SPATA6: variants seen among roughly 807,000 people sequenced by gnomAD.
The protein encoded by SPATA6 is spermatogenesis-associated protein 6.
Under a neutral mutation model 65.3 loss-of-function variants are expected in SPATA6, and 56 were observed. The observed-to-expected ratio is 0.86, with a 90% confidence interval of 0.69 to 1.07. The LOEUF (loss-of-function observed/expected upper bound fraction) is 1.07, where lower values mean the gene tolerates loss of function less well. SPATA6 is among the 50% of genes least tolerant of loss of function. The probability of loss-of-function intolerance (pLI) is 0.00; values close to 1 mark genes in which losing one functional copy is unlikely to be tolerated. For missense variants in SPATA6, 590 were observed against 594.8 expected (o/e 0.99, Z 0.08); for synonymous variants, 199 against 213.2 (o/e 0.93, Z 0.58).
intron 5 of SPATA6, among the ~76,000 whole-genome samples, chr1:48,410,540 C>G (rs1652121226): frequency 6.6e-6 from 1 of 152,138 alleles, no homozygotes; most frequent in Non-Finnish European, 1.5e-5. Flanking sequence ...CTGTATTAAT[C>G]CATTGTCATA....
rs150258606 is a variant in SPATA6 at position 48,378,588 on chromosome 1, G to A, written c.909+6721C>T. Among the ~76,000 whole-genome samples, 1,063 of 152,238 alleles carry A rather than the reference G, an allele frequency of 7.0e-3. 14 individuals carry two copies. Among genetic ancestry groups the A allele is most frequent in the African/African-American group, 0.025 (1,019 of 41,538 alleles). On this transcript the variant is annotated intron_variant, in intron 9 of 12. Transcript: ENST00000371847. ...GGCACTTCTTACATGATGGTGGAAA[G>A]AGAAAAATGAGGAAGAAGCAAAAGC...
intron 1 of SPATA6, among the ~76,000 whole-genome samples, chr1:48,465,288 GC>G (rs1657731567): frequency 6.6e-6 from 1 of 152,124 alleles, no homozygotes; most frequent in Admixed American, 6.6e-5. Context: ...CTCCCCTAAA[GC>G]TTTTGAAAGG....
chr1:48,305,720 C>G (rs1299328104), intron 12 of SPATA6, 67 bp downstream of exon 12: 2 of 1,159,214 alleles, frequency 1.7e-6, no homozygotes, highest in African/African-American at 3.2e-5. Context: ...CCCATAAATT[C>G]AGCATATTAT....
chr1:48,354,248 A>C (rs1570264117), intron 11 of SPATA6, among the ~76,000 whole-genome samples: 1 of 152,114 alleles, frequency 6.6e-6, no homozygotes, highest in Non-Finnish European at 1.5e-5. Context: ...CAGTCAAAGA[A>C]GTAGGGAGGA....
rs747494080 is a variant in SPATA6 at position 48,411,593 on chromosome 1, A to G, written c.281-5T>C. On this transcript the variant is annotated splice_polypyrimidine_tract_variant and splice_region_variant and intron_variant, in intron 4 of 12. Transcript: ENST00000371847. The stretch of plus-strand genomic sequence containing the variant: ...ACGTAGACAGTGTTTCACCCACTAC[A>G]AGAAAGATACCCTATGATTCAAATT... 3.2e-6 allele frequency: 5 copies of G among 1,559,002 alleles called. No homozygotes were observed. The African/African-American group carries it at 6.8e-5, about 21-fold the overall frequency.
chr1:48,372,760 C>T (rs1176042611), intron 9 of SPATA6, among the ~76,000 whole-genome samples: 3 of 152,240 alleles, frequency 2.0e-5, no homozygotes, highest in South Asian at 4.1e-4. Flanking sequence ...GTTCCCAAAC[C>T]TCAATTCTTG....
chr1:48,470,807 C>T (rs1658181436), intron 1 of SPATA6, among the ~76,000 whole-genome samples: 1 of 151,932 alleles, frequency 6.6e-6, no homozygotes, highest in Non-Finnish European at 1.5e-5. Context: ...CTGCAGCACC[C>T]AGGAGAGTAA....
the SPATA6 span, among the ~76,000 whole-genome samples, chr1:48,289,564 G>T: frequency 6.6e-6 from 1 of 152,192 alleles, no homozygotes; most frequent in Non-Finnish European, 1.5e-5. Flanking sequence ...GCTAAAGGAG[G>T]ACGTTCAAAC....
intron 3 of SPATA6, among the ~76,000 whole-genome samples, chr1:48,418,658 A>G (rs1410458583): frequency 6.6e-6 from 1 of 150,386 alleles, no homozygotes; most frequent in African/African-American, 2.4e-5. Flanking sequence ...TGGGAGGCAG[A>G]GGTCACAGTG....
At chr1:48,324,306 CA>C (rs1206057707) in intron 11 of SPATA6, among the ~76,000 whole-genome samples, 1 of 151,904 alleles carries the variant, frequency 6.6e-6, no homozygotes, top group Admixed American at 6.6e-5. Flanking sequence ...CAAACTATTC[CA>C]AAAAATAGAG....
At chr1:48,375,695 C>T (rs1381175068) in intron 9 of SPATA6, among the ~76,000 whole-genome samples, 2 of 152,122 alleles carry the variant, frequency 1.3e-5, no homozygotes, top group Non-Finnish European at 2.9e-5. Context: ...TTGACCAACA[C>T]CGCCAGACTC....
At position 48,296,130 on chromosome 1, in the gene SPATA6, A is replaced by G. The variant is rs1644809001; in HGVS notation, c.*2583T>C. 6.6e-6 allele frequency: 1 copy of G among 151,930 alleles called. No homozygotes were observed. The highest frequency in any genetic ancestry group is 6.6e-5 in the Admixed American group (1 of 15,262). 9.4% of individuals were successfully genotyped at this position (151,930 alleles called of 1,614,324 possible). ...TTTATCTTTCATATTAACTCCAATA[A>G]TTATTTCTAGATTTGTGGGAAATAC... On this transcript the variant is annotated 3_prime_UTR_variant, in exon 13 of 13. Transcript: ENST00000371847.
downstream of SPATA6, among the ~76,000 whole-genome samples, chr1:48,291,835 C>T (rs1053096018): frequency 1.3e-5 from 2 of 152,218 alleles, no homozygotes; most frequent in African/African-American, 4.8e-5. Context: ...CCACACACTG[C>T]TCTATCTGTT....
At position 48,472,110 on chromosome 1, in the gene SPATA6, G is replaced by A. The variant is rs1037356080; in HGVS notation, c.-102C>T. 8 of 973,850 alleles carry A rather than the reference G, an allele frequency of 8.2e-6. No individual in the cohort carries two copies. Among genetic ancestry groups the A allele is most frequent in the African/African-American group, 1.7e-5 (1 of 58,140 alleles). 60.3% of individuals were successfully genotyped at this position (973,850 alleles called of 1,614,324 possible). ...GACGGGGAGGAGACGAGGTGGCGGCGGCGGTGGCAGCAGTGGCCCCCAGGC... is the reference window on the plus strand; with the variant it reads ...GACGGGGAGGAGACGAGGTGGCGGCAGCGGTGGCAGCAGTGGCCCCCAGGC... On this transcript the variant is annotated 5_prime_UTR_variant, in exon 1 of 13. Coordinates refer to ENST00000371847, the MANE Select transcript of SPATA6 (RefSeq NM_019073.4).
chr1:48,288,920 C>A, the SPATA6 span, among the ~76,000 whole-genome samples: 2 of 152,352 alleles, frequency 1.3e-5, no homozygotes, highest in Non-Finnish European at 2.9e-5. Flanking sequence ...CCTCTGGGGG[C>A]AGGGCATAGC....
chr1:48,379,904 T>C (rs952555346), intron 9 of SPATA6, among the ~76,000 whole-genome samples: 4 of 152,220 alleles, frequency 2.6e-5, no homozygotes, highest in Admixed American at 2.0e-4. Context: ...ACGTGTATGA[T>C]AGCCTTAAAA....
chr1:48,271,841 A>G, the SPATA6 span, among the ~76,000 whole-genome samples: 1 of 152,158 alleles, frequency 6.6e-6, no homozygotes, highest in Admixed American at 6.6e-5. Context: ...ACCCTTCCCT[A>G]GAAGAGCCTA....
chr1:48,302,387 A>G (rs1644960517), intron 12 of SPATA6, among the ~76,000 whole-genome samples: 1 of 151,956 alleles, frequency 6.6e-6, no homozygotes, highest in East Asian at 1.9e-4. Context: ...ACACCTTCCC[A>G]CCTTTTAGAA....
intron 3 of SPATA6, among the ~76,000 whole-genome samples, chr1:48,445,242 T>G (rs1056885999): frequency 6.6e-6 from 1 of 152,226 alleles, no homozygotes; most frequent in Non-Finnish European, 1.5e-5. Context: ...TCATTTCTGC[T>G]ATCATTCTGT....
Sources: allele counts gnomAD v4.1 joint callset (sites outside exome capture counted in the v4.1 genomes callset), GRCh38; gene constraint gnomAD v4.1.1; transcripts MANE v1.5; gene names NCBI Gene and HGNC (gene_info 2026-07-23, HGNC 2026-07-21).